Variants in USP33 observed in about 807,000 individuals in gnomAD.
USP33 encodes ubiquitin carboxyl-terminal hydrolase 33.
USP33 carries 46 observed loss-of-function variants against 124.2 expected under a neutral mutation model. That is an observed-to-expected ratio of 0.37 (90% CI 0.29 to 0.47). The LOEUF (loss-of-function observed/expected upper bound fraction) is 0.47, where lower values mean the gene tolerates loss of function less well. Ranked by LOEUF, USP33 falls within the 20% of genes least tolerant of loss-of-function variation. USP33 has a pLI of 0.99. For missense variants in USP33, 851 were observed against 1,070.6 expected (o/e 0.79, Z 2.86); for synonymous variants, 350 against 352.3 (o/e 0.99, Z 0.07).
At chr1:77,748,972 G>C (rs1175492431) in intron 1 of USP33, among the ~76,000 whole-genome samples, 4 of 152,198 alleles carry the variant, frequency 2.6e-5, no homozygotes, top group Admixed American at 2.6e-4. Context: ...CCTCTGTCAA[G>C]AACCAATCTT....
intron 5 of USP33, among the ~76,000 whole-genome samples, chr1:77,738,786 G>T (rs1678782601): frequency 6.6e-6 from 1 of 152,112 alleles, no homozygotes; most frequent in African/African-American, 2.4e-5. Context: ...AGCCCAAAGG[G>T]AGAAAAATCT....
intron 15 of USP33, among the ~76,000 whole-genome samples, chr1:77,719,442 G>T (rs191460927): frequency 2.5e-3 from 375 of 152,280 alleles, no homozygotes; most frequent in Non-Finnish European, 4.8e-3. Flanking sequence ...AAATTGTTTT[G>T]TTTTAACAAA....
intron 19 of USP33, chr1:77,713,554 T>TTTA: frequency 4.3e-6 from 1 of 232,038 alleles, no homozygotes; most frequent in Non-Finnish European, 7.8e-6. Flanking sequence ...CCAGCTAACT[T>TTTA]TTCTTTTTTT....
intron 21 of USP33, among the ~76,000 whole-genome samples, chr1:77,704,389 A>C (rs1168606161): frequency 2.6e-5 from 4 of 152,234 alleles, no homozygotes; most frequent in Non-Finnish European, 4.4e-5. Context: ...GGATTCTAAC[A>C]ACCATTAAAT....
chr1:77,721,628 A>G, intron 14 of USP33: 1 of 547,150 alleles, frequency 1.8e-6, no homozygotes, highest in Non-Finnish European at 3.2e-6. Context: ...CTTATACTAC[A>G]GGAATTCACA....
At position 77,736,129 on chromosome 1, in the gene USP33, T is replaced by C. The variant is rs1448982230; in HGVS notation, c.381A>G (p.Leu127=). The change falls in exon 6 of 24, where the codon TTA becomes TTG. Residue 127 remains leucine, a synonymous_variant. Coordinates refer to ENST00000370794, the MANE Select transcript of USP33 (RefSeq NM_201624.3). ...CAAATACGGCAACCAGAGGAGTTTTTAATGTTGTATTACTGGGTATTTTAA... is the reference window on the plus strand; with the variant it reads ...CAAATACGGCAACCAGAGGAGTTTTCAATGTTGTATTACTGGGTATTTTAA... ...QDFKIPSNTT[L]KTPLVAVFDD... is the part of the protein sequence containing the mutation. 1.2e-6 allele frequency: 2 copies of C among 1,612,936 alleles called. No homozygotes were observed. Among genetic ancestry groups the C allele is most frequent in the East Asian group, 2.2e-5 (1 of 44,806 alleles).
intron 21 of USP33, among the ~76,000 whole-genome samples, chr1:77,704,582 G>C (rs1402038430): frequency 6.6e-6 from 1 of 152,140 alleles, no homozygotes; most frequent in African/African-American, 2.4e-5. Flanking sequence ...TCTAAATGTA[G>C]TTCTCACTCT....
chr1:77,756,127 A>C (rs1392664573), intron 1 of USP33, among the ~76,000 whole-genome samples: 2 of 152,132 alleles, frequency 1.3e-5, no homozygotes, highest in Non-Finnish European at 2.9e-5. Flanking sequence ...ACTTTTTTTG[A>C]AATGGGAGGC....
At chr1:77,713,560 T>TTC (rs1195458909) in intron 19 of USP33, 2 of 201,752 alleles carry the variant, frequency 9.9e-6, no homozygotes, top group East Asian at 1.4e-4. Context: ...AACTTTTCTT[T>TTC]TTTTTTTTTT....
chr1:77,741,547 AAT>A (rs1679116716), intron 2 of USP33, 68 bp downstream of exon 2: 1 of 1,543,114 alleles, frequency 6.5e-7, no homozygotes, highest in Non-Finnish European at 8.7e-7. Context: ...GTATTACAGT[AAT>A]TTATGAAAAT....
chr1:77,724,934 C>G (rs765437015), intron 11 of USP33, among the ~76,000 whole-genome samples: 1 of 151,844 alleles, frequency 6.6e-6, no homozygotes, highest in Non-Finnish European at 1.5e-5. Flanking sequence ...CCCAGCTACT[C>G]GGGAGGCTGA....
At chr1:77,699,443 C>G (rs1211972039) in intron 22 of USP33, among the ~76,000 whole-genome samples, 1 of 152,070 alleles carries the variant, frequency 6.6e-6, no homozygotes, top group Non-Finnish European at 1.5e-5. Flanking sequence ...TCGTCTGAAC[C>G]CAGGAGGAGG....
chr1:77,697,880 T>C lies in USP33; in HGVS notation c.2561A>G (p.Asn854Ser). 6.2e-7 allele frequency: 1 copy of C among 1,610,866 alleles called. No individual in the cohort carries two copies. The highest frequency in any genetic ancestry group is 1.3e-5 in the African/African-American group (1 of 74,866). ...NTKIAVTKCG[N>S]VMLRQGADSG... ...AAACTTACCTTGCCTAAGCATCACA[T>C]TACCACATTTAGTGACTGCAATCTT... The change falls in exon 23 of 24, where the codon AAT becomes AGT. Residue 854 changes from asparagine (N) to serine (S), a missense_variant. Physicochemically the swap from Asn to Ser is conservative, Grantham distance 46. This residue lies in a region of USP33 where 142 missense variants were observed against 141.8 expected (regional missense o/e 1.00). Coordinates refer to ENST00000370794, the MANE Select transcript of USP33 (RefSeq NM_201624.3).
At chr1:77,715,311 A>C (rs1000475148) in intron 18 of USP33, among the ~76,000 whole-genome samples, 4 of 151,964 alleles carry the variant, frequency 2.6e-5, no homozygotes, top group Admixed American at 2.6e-4. Context: ...GGTTCAAGCG[A>C]TTCTCCTGCC....
intron 1 of USP33, among the ~76,000 whole-genome samples, chr1:77,743,587 G>A (rs1012452646): frequency 3.3e-5 from 5 of 152,014 alleles, no homozygotes; most frequent in African/African-American, 1.2e-4. Context: ...CCGTCCTCCT[G>A]TCTCAGCCTC....
intron 7 of USP33, among the ~76,000 whole-genome samples, chr1:77,733,062 G>A (rs980597429): frequency 6.6e-6 from 1 of 151,478 alleles, no homozygotes; most frequent in African/African-American, 2.4e-5. Context: ...CAAAGTGCTG[G>A]GATTACAGGC....
At chr1:77,704,415 G>A (rs141864555) in intron 21 of USP33, among the ~76,000 whole-genome samples, 255 of 152,318 alleles carry the variant, frequency 1.7e-3, no homozygotes, top group Non-Finnish European at 3.1e-3. Flanking sequence ...CCACTACCAT[G>A]TTTGAAAACT....
chr1:77,717,859 A>G lies in USP33; in HGVS notation c.1918+8T>C, dbSNP rs751897766. ...ATCTAGGAACAACTGTTAAACCTAT[A>G]TACTTACTACTTGCAGTTCCATGAT... On this transcript the variant is annotated splice_region_variant and intron_variant, in intron 17 of 23. Coordinates refer to ENST00000370794, the MANE Select transcript of USP33 (RefSeq NM_201624.3). The G allele has an allele frequency of 5.6e-6, 9 of 1,605,318 alleles. No individual in the cohort carries two copies. In the Admixed American group the frequency reaches 1.2e-4, roughly 21 times the overall value.
At position 77,739,504 on chromosome 1, in the gene USP33, T is replaced by C. The variant is rs536906865; in HGVS notation, c.199-87A>G. On this transcript the variant is annotated intron_variant, in intron 4 of 23. Coordinates refer to ENST00000370794, the MANE Select transcript of USP33 (RefSeq NM_201624.3). ...CTTCAAAAGATAACAGAAGATAAAC[T>C]GCTTGCCTTTGATGAGTAACAATAT... The C allele has an allele frequency of 1.5e-5, 20 of 1,331,528 alleles. No homozygotes were observed. In the African/African-American group the frequency reaches 2.1e-4, roughly 14 times the overall value. 82.5% of individuals were successfully genotyped at this position (1,331,528 alleles called of 1,614,324 possible).
Sources: gnomAD v4.1 joint callset for allele counts (sites outside exome capture counted in the v4.1 genomes callset) on GRCh38, gnomAD v4.1.1 for gene constraint, gnomAD v4.1.1 regional missense constraint, MANE v1.5 for transcripts, NCBI Gene and HGNC (gene_info 2026-07-23, HGNC 2026-07-21) for gene names.